The following RPGRIP1 variants were observed in gnomAD, a reference collection of about 807,000 sequenced individuals.
RPGRIP1 encodes the protein X-linked retinitis pigmentosa GTPase regulator-interacting protein 1.
RPGRIP1 carries 128 observed loss-of-function variants against 157.9 expected under a neutral mutation model. That is an observed-to-expected ratio of 0.81 (90% confidence interval 0.70 to 0.94). RPGRIP1 has a LOEUF of 0.94. RPGRIP1 is among the 40% of genes least tolerant of loss of function. RPGRIP1 has a pLI of 0.00. For missense variants in RPGRIP1, 1,486 were observed against 1,545.8 expected, an observed-to-expected ratio of 0.96 and a Z score of 0.65; for synonymous variants, 554 against 571.6, an observed-to-expected ratio of 0.97 and a Z score of 0.44.
intron 8 of RPGRIP1, among the ~76,000 whole-genome samples, chr14:21,311,610 G>T (rs1219294039): frequency 3.3e-5 from 5 of 152,086 alleles, no homozygotes; most frequent in African/African-American, 1.2e-4. Context: ...AACTACAATT[G>T]CCCAGAATGG....
intron 23 of RPGRIP1, among the ~76,000 whole-genome samples, chr14:21,345,537 G>C (rs1885478406): frequency 6.7e-6 from 1 of 149,526 alleles, no homozygotes; most frequent in African/African-American, 2.4e-5. Context: ...CAAGTAGCTA[G>C]GGTTATAGGC....
At chr14:21,350,906 T>C (rs149517036) in intron 24 of RPGRIP1, among the ~76,000 whole-genome samples, 198 bp from the exon 25 acceptor site, 94 of 152,348 alleles carry the variant, frequency 6.2e-4, no homozygotes, top group African/African-American at 2.1e-3. Context: ...TGCCTCGTTA[T>C]GTCCCCAAAG....
At chr14:21,328,805 C>T (rs1169964048) in intron 19 of RPGRIP1, among the ~76,000 whole-genome samples, 178 bp downstream of exon 19, 1 of 151,690 alleles carries the variant, frequency 6.6e-6, no homozygotes, top group African/African-American at 2.4e-5. Context: ...GGCAGATCAC[C>T]TCAGGTCAGC....
At position 21,327,786 on chromosome 14, in the gene RPGRIP1, A is replaced by G. The variant is rs1439287091; in HGVS notation, c.2874A>G (p.Glu958=). The change falls in exon 18 of 25, where the codon GAA becomes GAG. Residue 958 remains glutamate, a synonymous_variant. Coordinates refer to ENST00000400017, the MANE Select transcript of RPGRIP1 (RefSeq NM_020366.4). The part of the protein sequence containing the change: ...KDSSKISSEE[E]KASFPSQDQM... ...GTTCAAAGATCTCATCTGAAGAGGA[A>G]AAGGCTTCATTTCCTTCCCAGGTAA... The G allele has an allele frequency of 1.0e-5, 16 of 1,600,928 alleles. No individual in the cohort carries two copies. The highest frequency in any genetic ancestry group is 1.3e-5 in the Non-Finnish European group (15 of 1,173,658).
chr14:21,339,115 G>A (rs1884711777), intron 21 of RPGRIP1, among the ~76,000 whole-genome samples: 1 of 150,146 alleles, frequency 6.7e-6, no homozygotes, highest in South Asian at 2.1e-4. Context: ...CAGCCTGGGC[G>A]ACAGAGCAAG....
chr14:21,334,824 C>T (rs1039890324), intron 21 of RPGRIP1, 119 bp downstream of exon 21: 19 of 600,686 alleles, frequency 3.2e-5, no homozygotes, highest in East Asian at 3.0e-5. Flanking sequence ...AGGCAGATCA[C>T]CTAAGGTCGG....
intron 2 of RPGRIP1, among the ~76,000 whole-genome samples, chr14:21,291,692 C>T (rs1880537303): frequency 2.6e-5 from 4 of 151,978 alleles, no homozygotes; most frequent in Admixed American, 2.6e-4. Context: ...AGCGATCCTC[C>T]AGCCTCAGCC....
At chr14:21,344,674 A>G (rs1417808940) in intron 22 of RPGRIP1, among the ~76,000 whole-genome samples, 1 of 152,058 alleles carries the variant, frequency 6.6e-6, no homozygotes, top group Admixed American at 6.6e-5. Flanking sequence ...GCCTGGGTGC[A>G]GTGGCTCATG....
intron 1 of RPGRIP1, among the ~76,000 whole-genome samples, chr14:21,280,500 C>A (rs1175290801): frequency 6.6e-6 from 1 of 152,132 alleles, no homozygotes; most frequent in Non-Finnish European, 1.5e-5. Context: ...CCCGCCTCGG[C>A]CTCCCAAAGT....
rs1246707448 is a variant in RPGRIP1 at position 21,321,953 on chromosome 14, C to T, written c.1711C>T (p.Arg571Cys). Reference sequence around the variant, plus strand: ...TCGACTACTAGACCTCAAGAATAACCGTATCAAGCAGCTGGAAGGTATTTT... The same window carrying T: ...TCGACTACTAGACCTCAAGAATAACTGTATCAAGCAGCTGGAAGGTATTTT... Reference protein sequence around the residue: ...LTRLLDLKNNRIKQLEGILRS... With the variant: ...LTRLLDLKNNCIKQLEGILRS... Residue 571 changes from arginine (R) to cysteine (C), a missense_variant, in exon 14 of 25, where the codon CGT becomes TGT. Physicochemically the swap from Arg to Cys is radical, Grantham distance 180. Transcript: ENST00000400017. The T allele has an allele frequency of 1.5e-5, 25 of 1,613,598 alleles. No homozygotes were observed. The highest frequency in any genetic ancestry group is 4.5e-5 in the East Asian group (2 of 44,878).
chr14:21,340,827 C>T (rs1215062469), intron 21 of RPGRIP1, among the ~76,000 whole-genome samples: 2 of 152,126 alleles, frequency 1.3e-5, no homozygotes, highest in South Asian at 4.1e-4. Context: ...ATTTGCCATG[C>T]ATTCTCCTAT....
chr14:21,305,512 C>T (rs1881261995), intron 6 of RPGRIP1, among the ~76,000 whole-genome samples: 1 of 152,188 alleles, frequency 6.6e-6, no homozygotes, highest in South Asian at 2.1e-4. Flanking sequence ...CTGCTATTAA[C>T]ATTATGTGTC....
At chr14:21,325,203 C>A in intron 15 of RPGRIP1, 29 bp from the exon 16 acceptor site, 1 of 1,582,030 alleles carries the variant, frequency 6.3e-7, no homozygotes, top group Admixed American at 1.9e-5. Context: ...ATCTGTATTC[C>A]CCCTGCTTTC....
rs60849185 is a variant in RPGRIP1 at position 21,310,240 on chromosome 14, C to CTT, written c.907-335_907-334dup. Among the ~76,000 whole-genome samples the CTT allele has an allele frequency of 1.4e-5, 2 of 146,544 alleles. 1 individual carries two copies. The highest frequency in any genetic ancestry group is 3.0e-5 in the Non-Finnish European group (2 of 66,268). ...AATTATAGCTGTTGTTATGATCATT[C>CTT]TTTTTTTTTTACTAAAACTGAAGAG... On this transcript the variant is annotated intron_variant, in intron 7 of 24. Transcript: ENST00000400017.
At chr14:21,301,304 T>A (rs1594173553) in intron 4 of RPGRIP1, 67 bp downstream of exon 4, 2 of 1,486,668 alleles carry the variant, frequency 1.3e-6, no homozygotes, top group Non-Finnish European at 1.8e-6. Flanking sequence ...CCAGCCACGT[T>A]TTCCTCACTG....
At chr14:21,300,491 A>G (rs1880976781) in intron 3 of RPGRIP1, among the ~76,000 whole-genome samples, 1 of 152,272 alleles carries the variant, frequency 6.6e-6, no homozygotes, top group East Asian at 1.9e-4. Context: ...AATTGTTACT[A>G]AAAGTTATAA....
At chr14:21,294,464 A>G (rs1478899446) in intron 2 of RPGRIP1, among the ~76,000 whole-genome samples, 1 of 152,006 alleles carries the variant, frequency 6.6e-6, no homozygotes, top group Non-Finnish European at 1.5e-5. Context: ...TCCTGACCTC[A>G]CAATCTGCCT....
intron 2 of RPGRIP1, among the ~76,000 whole-genome samples, chr14:21,293,874 G>A (rs536375063): frequency 1.7e-4 from 25 of 150,422 alleles, no homozygotes; most frequent in African/African-American, 5.1e-4. Context: ...GCGAGACTCC[G>A]TCTCTTAAAA....
intron 6 of RPGRIP1, among the ~76,000 whole-genome samples, chr14:21,306,923 G>A (rs146195622): frequency 2.7e-5 from 4 of 150,754 alleles, no homozygotes; most frequent in African/African-American, 9.8e-5. Flanking sequence ...CTACAGGTGC[G>A]CACCACCACA....
Sources: gnomAD v4.1 joint callset for allele counts (sites outside exome capture counted in the v4.1 genomes callset) on GRCh38, gnomAD v4.1.1 for gene constraint, MANE v1.5 for transcripts, NCBI Gene and HGNC (gene_info 2026-07-23, HGNC 2026-07-21) for gene names.